The following CNTNAP1 variants were observed in gnomAD, a reference collection of about 807,000 sequenced individuals.
The protein encoded by CNTNAP1 is contactin associated protein 1.
A neutral mutation model predicts 161.5 loss-of-function variants in CNTNAP1; 80 were observed. That is an observed-to-expected ratio of 0.50 (90% CI 0.41 to 0.60). The LOEUF (loss-of-function observed/expected upper bound fraction) is 0.60, where lower values mean the gene tolerates loss of function less well. CNTNAP1 is among the 20% of genes least tolerant of loss of function. The probability of loss-of-function intolerance (pLI) is 0.00; values close to 1 mark genes in which losing one functional copy is unlikely to be tolerated. For missense variants in CNTNAP1, 1,464 were observed against 1,854.8 expected (o/e 0.79, Z 3.87); for synonymous variants, 695 against 733.1 (o/e 0.95, Z 0.84).
At position 42,682,798 on chromosome 17, in the gene CNTNAP1, AG is replaced by A. The variant is rs770270097; in HGVS notation, c.-29del. The A allele has an allele frequency of 1.9e-6, 3 of 1,551,022 alleles. No individual in the cohort carries two copies. The highest frequency in any genetic ancestry group is 1.4e-5 in the African/African-American group (1 of 73,258). On this transcript the variant is annotated 5_prime_UTR_variant, in exon 1 of 24. Transcript: ENST00000264638. ...TCGAGCCCTAGCCGGAGCCGTTCAC[AG>A]GGAGGCGGCTGCCGGGACCGTCAGC... is the stretch of plus-strand genomic sequence containing the variant.
Position 42,685,524 on chromosome 17 carries a change from A to C in CNTNAP1, c.715+104A>C. 8.7e-7 allele frequency: 1 copy of C among 1,149,298 alleles called. No homozygotes were observed. Among genetic ancestry groups the C allele is most frequent in the Non-Finnish European group, 1.2e-6 (1 of 813,814 alleles). The allele number at this position is 1,149,298 out of a possible 1,614,324, so 71.2% of individuals were successfully genotyped here. On this transcript the variant is annotated intron_variant, in intron 5 of 23. Coordinates refer to ENST00000264638, the MANE Select transcript of CNTNAP1 (RefSeq NM_003632.3). The surrounding 1 kb of genome is among the most constrained non-coding windows in gnomAD (Gnocchi z 5.0). ...GCATCCGCGCTCAGCCTGGTCTTCC[A>C]CTTCTCTAAGGCCTGGACCAAACTG...
At chr17:42,690,279 G>A in intron 12 of CNTNAP1, 72 bp downstream of exon 12, 2 of 1,564,320 alleles carry the variant, frequency 1.3e-6, no homozygotes, top group South Asian at 1.1e-5. Context: ...GTGGGGGCCA[G>A]TTAGACTAAA....
chr17:42,692,361 T>C (rs2053098142), intron 16 of CNTNAP1, 138 bp from the exon 17 acceptor site: 1 of 731,864 alleles, frequency 1.4e-6, no homozygotes, highest in Non-Finnish European at 2.3e-6. Context: ...TAAGTTTCAA[T>C]GCAAGCTACA....
chr17:42,691,756 C>T lies in CNTNAP1; in HGVS notation c.2345-50C>T. On this transcript the variant is annotated intron_variant, in intron 15 of 23. Coordinates refer to ENST00000264638, the MANE Select transcript of CNTNAP1 (RefSeq NM_003632.3). This position sits in a 1 kb window ranked among gnomAD's most constrained non-coding sequence, Gnocchi z 4.3. The stretch of plus-strand genomic sequence containing the variant: ...CCCCCAACCCCAGGTTCTCTTCCTC[C>T]TCCACCCTCCAATCTCCCTGACAAG... 1 of 1,593,030 alleles carries T rather than the reference C, an allele frequency of 6.3e-7. No homozygotes were observed. The highest frequency in any genetic ancestry group is 1.1e-5 in the South Asian group (1 of 89,984).
At position 42,682,666 on chromosome 17, in the gene CNTNAP1, GAC is replaced by G; in HGVS notation, c.-162_-161del. On this transcript the variant is annotated 5_prime_UTR_variant, in exon 1 of 24. Coordinates refer to ENST00000264638, the MANE Select transcript of CNTNAP1 (RefSeq NM_003632.3). ...AGAGAGAGAGAAAAGAGAGAGGAGA[GAC>G]AGAGCGCTTGGGGGCGAAAGGAGAG... The G allele has an allele frequency of 1.5e-6, 1 of 660,298 alleles. No individual in the cohort carries two copies. Among genetic ancestry groups the G allele is most frequent in the Middle Eastern group, 2.9e-4 (1 of 3,448 alleles). 40.9% of individuals were successfully genotyped at this position (660,298 alleles called of 1,614,324 possible). A position where few individuals can be genotyped will look rare whatever the true frequency, so the allele number is the denominator to read the frequency against.
intron 1 of CNTNAP1, chr17:42,683,457 G>T: frequency 9.0e-7 from 1 of 1,116,934 alleles, no homozygotes; most frequent in Non-Finnish European, 1.1e-6. Flanking sequence ...GAGTTGGATT[G>T]AGGCTAGGGT....
intron 1 of CNTNAP1, chr17:42,683,543 C>G (rs560678337): frequency 1.5e-6 from 2 of 1,300,820 alleles, no homozygotes; most frequent in South Asian, 3.9e-5. Flanking sequence ...TGGGAAAGTA[C>G]TAAACCAGGG....
intron 10 of CNTNAP1, 132 bp downstream of exon 10, chr17:42,689,179 C>A (rs1231208879): frequency 3.5e-6 from 3 of 850,338 alleles, no homozygotes; most frequent in South Asian, 1.8e-5. Context: ...GGGGATGATT[C>A]TTCTTTGATC....
Position 42,698,731 on chromosome 17 carries a change from T to C in CNTNAP1, c.3976T>C (p.Tyr1326His), listed in dbSNP as rs1356135828. The change falls in exon 24 of 24, where the codon TAC (tyrosine) becomes CAC (histidine). Residue 1326 changes from tyrosine (Y) to histidine (H), a missense_variant. By Grantham distance (83) the Tyr-to-His change is moderately conservative (BLOSUM62 2). Transcript: ENST00000264638. The stretch of plus-strand genomic sequence containing the variant: ...CAATGAGCCCAAGGCTGCCCACGAG[T>C]ACCATCCTGGCAGCAAACCTCCCCT... ...HTNEPKAAHE[Y>H]HPGSKPPLPT... 1 of 1,613,134 alleles carries C rather than the reference T, an allele frequency of 6.2e-7. No individual in the cohort carries two copies. Among genetic ancestry groups the C allele is most frequent in the African/African-American group, 1.3e-5 (1 of 74,650 alleles).
chr17:42,684,954 G>A (rs1305239766), intron 3 of CNTNAP1, 37 bp from the exon 4 acceptor site: 3 of 1,602,430 alleles, frequency 1.9e-6, no homozygotes, highest in Middle Eastern at 1.7e-4. Context: ...AGAAGCAGAG[G>A]GCAGGACGTG....
At chr17:42,694,205 CTT>C (rs1295977302) in intron 18 of CNTNAP1, among the ~76,000 whole-genome samples, 2 of 146,764 alleles carry the variant, frequency 1.4e-5, no homozygotes, top group Non-Finnish European at 3.0e-5. Context: ...GAGTTTCACT[CTT>C]GTTGCCCAGG....
intron 1 of CNTNAP1, 23 bp downstream of exon 1, chr17:42,682,919 G>A: frequency 3.8e-6 from 6 of 1,584,870 alleles, no homozygotes; most frequent in Admixed American, 1.8e-5. Context: ...CTTGGAGGCA[G>A]GTGGGGTTGG....
Position 42,695,872 on chromosome 17 carries a change from A to G in CNTNAP1, c.3344A>G (p.Asp1115Gly). The part of the protein sequence containing the change: ...RDYMAVLIKD[D>G]GTLQLRYQLG... ...TACATGGCTGTGCTCATCAAGGATG[A>G]TGGTAAGCTCTCCCGGGCTCTCTCA... Residue 1115 changes from aspartate to glycine, a missense_variant and splice_region_variant, in exon 19 of 24, where the codon GAT becomes GGT. By Grantham distance (94) the Asp-to-Gly change is moderately conservative (BLOSUM62 -1). Around this residue, in one of 3 missense-constraint regions of CNTNAP1, gnomAD observed 1,383 missense variants for 1,765.0 expected, o/e 0.78. Transcript: ENST00000264638. 10 of 1,609,836 alleles carry G rather than the reference A, an allele frequency of 6.2e-6. No homozygotes were observed. The highest frequency in any genetic ancestry group is 7.6e-6 in the Non-Finnish European group (9 of 1,176,552).
intron 6 of CNTNAP1, among the ~76,000 whole-genome samples, chr17:42,686,471 T>TTTTTTTTTTG: frequency 2.0e-5 from 2 of 101,012 alleles, no homozygotes; most frequent in Non-Finnish European, 3.7e-5. Flanking sequence ...AAAGGCCTGT[T>TTTTTTTTTTG]TTTTTTTTTT....
chr17:42,687,405 G>A lies in CNTNAP1; in HGVS notation c.1045-315G>A, dbSNP rs533215306. On this transcript the variant is annotated intron_variant, in intron 7 of 23. Transcript: ENST00000264638. This position sits in a 1 kb window ranked among gnomAD's most constrained non-coding sequence, Gnocchi z 4.7. ...CAACCCTCTCCGACTCTGGAGCTCT[G>A]TTGGGAAGCTGGCAGGAGCCAGGTC... The A allele has an allele frequency of 1.9e-6, 1 of 521,364 alleles. No homozygotes were observed. The highest frequency in any genetic ancestry group is 3.4e-6 in the Non-Finnish European group (1 of 293,006). The allele number at this position is 521,364 out of a possible 1,614,324, so 32.3% of individuals were successfully genotyped here. A position where few individuals can be genotyped will look rare whatever the true frequency, so the allele number is the denominator to read the frequency against.
chr17:42,687,646 G>C lies in CNTNAP1; in HGVS notation c.1045-74G>C. 2 of 1,563,418 alleles carry C rather than the reference G, an allele frequency of 1.3e-6. No individual in the cohort carries two copies. Among genetic ancestry groups the C allele is most frequent in the Non-Finnish European group, 8.7e-7 (1 of 1,149,474 alleles). On this transcript the variant is annotated intron_variant, in intron 7 of 23. Coordinates refer to ENST00000264638, the MANE Select transcript of CNTNAP1 (RefSeq NM_003632.3). The surrounding 1 kb of genome is among the most constrained non-coding windows in gnomAD (Gnocchi z 4.7). ...AGGGCGGTGACCAGGGTCTTAGACC[G>C]GTGTGAAAACTGAATTCCCAGCTGA... is the stretch of plus-strand genomic sequence containing the variant.
chr17:42,682,763 A>G lies in CNTNAP1; in HGVS notation c.-67A>G. ...ACCCCAGGAGGAGAGCTTGGAGCCC[A>G]AGCCAGAACTCGAGCCCTAGCCGGA... is the stretch of plus-strand genomic sequence containing the variant. On this transcript the variant is annotated 5_prime_UTR_variant, in exon 1 of 24. Transcript: ENST00000264638. 1 of 1,507,226 alleles carries G rather than the reference A, an allele frequency of 6.6e-7. No homozygotes were observed. Among genetic ancestry groups the G allele is most frequent in the Non-Finnish European group, 9.0e-7 (1 of 1,116,310 alleles). The allele number at this position is 1,507,226 out of a possible 1,614,324, so 93.4% of individuals were successfully genotyped here. A position where few individuals can be genotyped will look rare whatever the true frequency, so the allele number is the denominator to read the frequency against.
chr17:42,690,894 C>T lies in CNTNAP1; in HGVS notation c.2011C>T (p.Gln671Ter), dbSNP rs1567973088. 1 of 1,614,226 alleles carries T rather than the reference C, an allele frequency of 6.2e-7. No homozygotes were observed. The highest frequency in any genetic ancestry group is 8.5e-7 in the Non-Finnish European group (1 of 1,180,042). Reference protein sequence around the residue: ...ALANASQHCEQWIEFSCYNSR... With the variant: ...ALANASQHCE ...TGCCAATGCTTCCCAGCATTGTGAA[C>T]AGTGGATCGAGTTCTCCTGCTACAA... Residue 671 changes from glutamine (Q) to a stop codon, truncating the protein, a stop_gained, in exon 13 of 24, where the codon CAG (glutamine) becomes TAG (stop). Transcript: ENST00000264638. LOFTEE classifies it high-confidence loss of function.
intron 1 of CNTNAP1, 82 bp downstream of exon 1, chr17:42,682,978 G>C (rs2052956185): frequency 7.7e-7 from 1 of 1,294,212 alleles, no homozygotes; most frequent in Non-Finnish European, 1.1e-6. Flanking sequence ...CATTGCGGCT[G>C]GGTGGTCGCG....
Sources: allele counts gnomAD v4.1 joint callset (sites outside exome capture counted in the v4.1 genomes callset), GRCh38; gene constraint gnomAD v4.1.1; regional missense constraint gnomAD v4.1.1; non-coding constraint Gnocchi (gnomAD v3.1); transcripts MANE v1.5; gene names NCBI Gene and HGNC (gene_info 2026-07-23, HGNC 2026-07-21).